SLC22A16: variants seen among roughly 807,000 people sequenced by gnomAD.
SLC22A16 encodes the protein WUGSC:RG331P03.1.
A neutral mutation model predicts 52.9 loss-of-function variants in SLC22A16; 53 were observed. The ratio of observed to expected loss-of-function variants is 1.00; its 90% CI spans 0.80 to 1.26. The LOEUF is 1.26. Among genes scored for constraint, SLC22A16 ranks in the 50% most tolerant of loss-of-function variants. SLC22A16 has a pLI of 0.00. For synonymous variants in SLC22A16, 291 were observed against 268.8 expected (o/e 1.08, Z -0.81); for missense variants, 726 against 704.0 (o/e 1.03, Z -0.35).
At chr6:110,438,968 G>C in intron 4 of SLC22A16, 121 bp from the exon 5 acceptor site, 5 of 1,255,188 alleles carry the variant, frequency 4.0e-6, no homozygotes, top group Non-Finnish European at 5.4e-6. Context: ...GGGGCCTTTA[G>C]AAACTCTCTA....
intron 1 of SLC22A16, 87 bp downstream of exon 1, chr6:110,476,435 C>G: frequency 1.4e-6 from 2 of 1,404,830 alleles, no homozygotes; most frequent in South Asian, 1.6e-5. Context: ...GGATCGCGAG[C>G]GCCGCGCGAG....
intron 3 of SLC22A16, among the ~76,000 whole-genome samples, chr6:110,443,551 A>G (rs1238255141): frequency 6.6e-6 from 1 of 152,090 alleles, no homozygotes; most frequent in Non-Finnish European, 1.5e-5. Flanking sequence ...TTTTGGCGGG[A>G]ATGTAGAGAA....
intron 2 of SLC22A16, among the ~76,000 whole-genome samples, 196 bp from the exon 3 acceptor site, chr6:110,447,186 C>G (rs559324454): frequency 2.0e-5 from 3 of 152,132 alleles, no homozygotes; most frequent in South Asian, 2.1e-4. Flanking sequence ...AGTGGAGAGG[C>G]CTTTACCTGA....
chr6:110,454,653 T>A lies in SLC22A16; in HGVS notation c.533+1885A>T, dbSNP rs1775528453. Among the ~76,000 whole-genome samples the A allele has an allele frequency of 1.2e-4, 6 of 48,028 alleles. No homozygotes were observed. The Admixed American group carries it at 1.8e-3, about 15-fold the overall frequency. The allele number at this position is 48,028 out of a possible 152,430, so 31.5% of individuals were successfully genotyped here. A position where few individuals can be genotyped will look rare whatever the true frequency, so the allele number is the denominator to read the frequency against. ...ATTTATATATATTATATATTTTATA[T>A]ATATTATATATATTTATATATATTA... On this transcript the variant is annotated intron_variant, in intron 2 of 7. Transcript: ENST00000368919.
intron 1 of SLC22A16, among the ~76,000 whole-genome samples, chr6:110,458,788 A>G (rs1208511894): frequency 6.6e-6 from 1 of 152,190 alleles, no homozygotes; most frequent in Admixed American, 6.5e-5. Context: ...ATGAGCTGGG[A>G]CATCCATATT....
At chr6:110,457,853 G>T (rs1775725693) in intron 1 of SLC22A16, among the ~76,000 whole-genome samples, 1 of 152,120 alleles carries the variant, frequency 6.6e-6, no homozygotes, top group East Asian at 1.9e-4. Flanking sequence ...CAGTGCCAAA[G>T]AAAAGTACCC....
chr6:110,436,540 C>A (rs1378403078), intron 5 of SLC22A16, among the ~76,000 whole-genome samples: 13 of 152,170 alleles, frequency 8.5e-5, no homozygotes, highest in Non-Finnish European at 1.8e-4. Context: ...GCAGGAGGAT[C>A]ATTTAAGCCC....
chr6:110,447,027 T>TA lies in SLC22A16; in HGVS notation c.534-38dup, dbSNP rs142086479. 241 of 1,553,390 alleles carry TA rather than the reference T, an allele frequency of 1.6e-4. 1 individual carries two copies. In the East Asian group the frequency reaches 4.7e-3, roughly 31 times the overall value. Reference sequence around the variant, plus strand: ...GAGTCACACAGTGGAAGAGGAAAGGTAGAGTTGTAACAGTTTAAACATCCA... The same window carrying TA: ...GAGTCACACAGTGGAAGAGGAAAGGTAAGAGTTGTAACAGTTTAAACATCCA... On this transcript the variant is annotated intron_variant, in intron 2 of 7. Transcript: ENST00000368919.
chr6:110,427,561 C>A (rs1325080606), intron 7 of SLC22A16, among the ~76,000 whole-genome samples: 1 of 152,072 alleles, frequency 6.6e-6, no homozygotes, highest in Non-Finnish European at 1.5e-5. Context: ...TATATATATT[C>A]TTAGCTTGGT....
chr6:110,455,537 C>T (rs1407660375), intron 2 of SLC22A16: 1 of 152,144 alleles, frequency 6.6e-6, no homozygotes, highest in Non-Finnish European at 1.5e-5. Context: ...ACTGTAAAAT[C>T]CACAACTATG....
chr6:110,453,635 A>G, intron 2 of SLC22A16: 1 of 456,178 alleles, frequency 2.2e-6, no homozygotes, highest in Non-Finnish European at 4.4e-6. Flanking sequence ...TGAATTAGAG[A>G]GGAGGAGCAC....
At chr6:110,433,189 T>C (rs1186920590) in intron 6 of SLC22A16, among the ~76,000 whole-genome samples, 4 of 152,208 alleles carry the variant, frequency 2.6e-5, no homozygotes, top group Admixed American at 6.5e-5. Context: ...GACAATTACA[T>C]AGGGAGTTAT....
At chr6:110,454,261 C>T (rs970165016) in intron 2 of SLC22A16, among the ~76,000 whole-genome samples, 1 of 152,010 alleles carries the variant, frequency 6.6e-6, no homozygotes, top group Non-Finnish European at 1.5e-5. Context: ...GCCATCTTGG[C>T]ACATCCAGCA....
chr6:110,441,831 T>A (rs1774978545), intron 4 of SLC22A16, among the ~76,000 whole-genome samples: 1 of 152,200 alleles, frequency 6.6e-6, no homozygotes, highest in South Asian at 2.1e-4. Flanking sequence ...TGTTTCCTAA[T>A]CTTAAAAAGT....
chr6:110,464,552 A>G (rs375358117), intron 1 of SLC22A16, among the ~76,000 whole-genome samples: 1 of 152,128 alleles, frequency 6.6e-6, no homozygotes, highest in Non-Finnish European at 1.5e-5. Context: ...CCCAGAGTAC[A>G]TGAATAAATT....
chr6:110,474,860 A>C (rs755859165), intron 1 of SLC22A16: 7 of 508,388 alleles, frequency 1.4e-5, no homozygotes, highest in Admixed American at 2.0e-5. Context: ...CTTTAGTCAA[A>C]CACCAACTAA....
intron 7 of SLC22A16, among the ~76,000 whole-genome samples, chr6:110,426,058 C>T (rs1294146335): frequency 6.6e-6 from 1 of 152,214 alleles, no homozygotes; most frequent in East Asian, 1.9e-4. Context: ...ACATCCATAA[C>T]AGACGAGACC....
At chr6:110,425,199 A>T in intron 7 of SLC22A16, 114 bp from the exon 8 acceptor site, 1 of 1,529,216 alleles carries the variant, frequency 6.5e-7, no homozygotes, top group Non-Finnish European at 8.8e-7. Flanking sequence ...TTGACATAAC[A>T]GTTGTCACTG....
At chr6:110,459,381 T>C (rs1219205398) in intron 1 of SLC22A16, among the ~76,000 whole-genome samples, 1 of 152,218 alleles carries the variant, frequency 6.6e-6, no homozygotes, top group Non-Finnish European at 1.5e-5. Flanking sequence ...TATGATCTGA[T>C]GAGAAGGGCA....
Sources: allele counts gnomAD v4.1 joint callset (sites outside exome capture counted in the v4.1 genomes callset), GRCh38; gene constraint gnomAD v4.1.1; transcripts MANE v1.5; gene names NCBI Gene and HGNC (gene_info 2026-07-23, HGNC 2026-07-21).